The following PTPRT variants were observed in gnomAD, a reference collection of about 807,000 sequenced individuals.
PTPRT encodes the protein protein tyrosine phosphatase receptor type T, also known as receptor-type tyrosine-protein phosphatase T.
In PTPRT, 56 loss-of-function variants were observed where a neutral mutation model predicts 176.8. The ratio of observed to expected loss-of-function variants is 0.32; its 90% CI spans 0.26 to 0.40. The LOEUF is 0.40. PTPRT is among the 10% of genes least tolerant of loss of function. The pLI is 1.00. For missense variants in PTPRT, 1,540 were observed against 1,908.2 expected (o/e 0.81, Z 3.60); for synonymous variants, 783 against 739.0 (o/e 1.06, Z -0.96).
intron 9 of PTPRT, among the ~76,000 whole-genome samples, chr20:42,361,543 C>T (rs1338265227): frequency 6.6e-6 from 1 of 152,140 alleles, no homozygotes. Context: ...ACTCTTATGT[C>T]TACAGTGTCT....
At chr20:42,487,447 A>T (rs1265996973) in intron 7 of PTPRT, among the ~76,000 whole-genome samples, 2 of 152,146 alleles carry the variant, frequency 1.3e-5, no homozygotes, top group Non-Finnish European at 2.9e-5. Flanking sequence ...ACATCCTAAT[A>T]CCCAGAACCT....
chr20:42,938,663 G>A (rs6030564), intron 1 of PTPRT, among the ~76,000 whole-genome samples: 27 of 152,184 alleles, frequency 1.8e-4, no homozygotes, highest in African/African-American at 6.5e-4. Flanking sequence ...GGTATTTCCA[G>A]CCTAACTCCC....
At chr20:42,282,670 T>A in intron 12 of PTPRT, 145 bp from the exon 13 acceptor site, 1 of 664,898 alleles carries the variant, frequency 1.5e-6, no homozygotes, top group African/African-American at 1.9e-5. Flanking sequence ...CTTTCCATTT[T>A]TTTCCCCATC....
At chr20:42,639,351 C>T (rs918724513) in intron 7 of PTPRT, among the ~76,000 whole-genome samples, 1 of 152,040 alleles carries the variant, frequency 6.6e-6, no homozygotes, top group African/African-American at 2.4e-5. Context: ...TTCCTCATTC[C>T]CTGTTTTCCT....
intron 16 of PTPRT, among the ~76,000 whole-genome samples, chr20:42,173,809 T>C (rs1990171995): frequency 6.6e-6 from 1 of 152,212 alleles, no homozygotes; most frequent in South Asian, 2.1e-4. Context: ...ACTGGAAATA[T>C]AAGCCCTTTT....
In PTPRT at chr20:42,513,661, C is replaced by T. The variant is rs1329825145; in HGVS notation, c.1154-41099G>A. Among the ~76,000 whole-genome samples, 4 of 152,156 alleles carry T rather than the reference C, an allele frequency of 2.6e-5. No homozygotes were observed. The East Asian group carries it at 5.8e-4, about 22-fold the overall frequency. ...TATGCTACACATAAAGTGTAAAGAA[C>T]GATCATCAGAAGAACACTCTTCACC... is the stretch of plus-strand genomic sequence containing the variant. On this transcript the variant is annotated intron_variant, in intron 7 of 30. Coordinates refer to ENST00000373187, the MANE Select transcript of PTPRT (RefSeq NM_007050.6).
the PTPRT span, among the ~76,000 whole-genome samples, chr20:42,042,316 A>G: frequency 6.6e-6 from 1 of 152,210 alleles, no homozygotes; most frequent in Non-Finnish European, 1.5e-5. Context: ...GGCCCAAACG[A>G]TGGTTTTATT....
intron 1 of PTPRT, among the ~76,000 whole-genome samples, chr20:42,928,319 C>T (rs1423143044): frequency 1.3e-5 from 2 of 152,204 alleles, no homozygotes; most frequent in Non-Finnish European, 2.9e-5. Flanking sequence ...CTCAGAGATG[C>T]CCAGAGAGGG....
chr20:42,425,466 G>C (rs915534190), intron 9 of PTPRT, among the ~76,000 whole-genome samples: 1 of 152,106 alleles, frequency 6.6e-6, no homozygotes, highest in Non-Finnish European at 1.5e-5. Context: ...TCCAAACTAG[G>C]GGGTGAAGAA....
chr20:42,787,487 C>T (rs928517406), intron 3 of PTPRT, among the ~76,000 whole-genome samples: 4 of 152,160 alleles, frequency 2.6e-5, no homozygotes, highest in African/African-American at 9.7e-5. Context: ...CTGTGAGTCT[C>T]CTAGAACCGA....
At chr20:42,157,299 T>C (rs1989399719) in intron 17 of PTPRT, among the ~76,000 whole-genome samples, 1 of 152,154 alleles carries the variant, frequency 6.6e-6, no homozygotes, top group South Asian at 2.1e-4. Context: ...TTCTTTCTTT[T>C]TCCATGGTAC....
chr20:42,585,095 C>A (rs889429544), intron 7 of PTPRT, among the ~76,000 whole-genome samples: 1 of 152,072 alleles, frequency 6.6e-6, no homozygotes, highest in African/African-American at 2.4e-5. Flanking sequence ...AAAATGGTTA[C>A]CCTTTATTTT....
At chr20:42,701,012 G>A (rs1175069094) in intron 6 of PTPRT, among the ~76,000 whole-genome samples, 2 of 152,120 alleles carry the variant, frequency 1.3e-5, no homozygotes, top group African/African-American at 2.4e-5. Context: ...TTTGAAAGCC[G>A]CCACAAGGCT....
chr20:42,731,982 GC>G (rs945379868), intron 6 of PTPRT, among the ~76,000 whole-genome samples: 5 of 152,116 alleles, frequency 3.3e-5, no homozygotes, highest in African/African-American at 1.2e-4. Context: ...ACCGAAGGGA[GC>G]CCCCTACTTA....
At chr20:42,844,542 CA>C (rs2078335068) in intron 2 of PTPRT, among the ~76,000 whole-genome samples, 1 of 151,818 alleles carries the variant, frequency 6.6e-6, no homozygotes, top group African/African-American at 2.4e-5. Context: ...AAGTCTTGGT[CA>C]AAAAAACAAT....
the PTPRT span, among the ~76,000 whole-genome samples, chr20:42,041,399 G>A: frequency 1.3e-5 from 2 of 152,266 alleles, no homozygotes; most frequent in South Asian, 2.1e-4. Context: ...GGGGGAGGTC[G>A]CAGGGAATAT....
At chr20:42,189,982 T>G (rs1244045354) in intron 16 of PTPRT, among the ~76,000 whole-genome samples, 6 of 152,232 alleles carry the variant, frequency 3.9e-5, no homozygotes, top group Admixed American at 3.3e-4. Flanking sequence ...ATTTTGTAAC[T>G]GCTAAGGAAT....
At chr20:42,997,786 T>C (rs1382340516) in intron 1 of PTPRT, among the ~76,000 whole-genome samples, 1 of 152,106 alleles carries the variant, frequency 6.6e-6, no homozygotes. Flanking sequence ...GTTCAGTAAC[T>C]TTCCAAAGTC....
chr20:42,041,169 T>A, the PTPRT span, among the ~76,000 whole-genome samples: 63 of 152,336 alleles, frequency 4.1e-4, no homozygotes, highest in African/African-American at 1.5e-3. Context: ...AGATTGCTGG[T>A]GCTGAATAAG....
Sources: gnomAD v4.1 joint callset for allele counts (sites outside exome capture counted in the v4.1 genomes callset) on GRCh38, gnomAD v4.1.1 for gene constraint, MANE v1.5 for transcripts, NCBI Gene and HGNC (gene_info 2026-07-23, HGNC 2026-07-21) for gene names.